The following MBOAT1 variants were observed in gnomAD, a reference collection of about 807,000 sequenced individuals.
MBOAT1 encodes membrane-bound glycerophospholipid O-acyltransferase 1.
MBOAT1 carries 67 observed loss-of-function variants against 64.4 expected under a neutral mutation model. The observed-to-expected ratio is 1.04, with a 90% CI of 0.85 to 1.27. MBOAT1 has a LOEUF of 1.27. Ranked by LOEUF, MBOAT1 falls within the 50% of genes most tolerant of loss-of-function variation. The pLI, the probability that MBOAT1 is intolerant of heterozygous loss-of-function variation, is 0.00. For synonymous variants in MBOAT1, 229 were observed against 218.9 expected, an observed-to-expected ratio of 1.05 and a Z score of -0.41; for missense variants, 563 against 604.6, an observed-to-expected ratio of 0.93 and a Z score of 0.72.
rs765668536 is a variant in MBOAT1 at position 20,128,747 on chromosome 6, C to A, written c.482G>T (p.Gly161Val). ...AGCAGAAAGGTCTTCAGCTCTTCGA[C>A]CTAATCCTATGAAAAAGAAAAGAAT... ...TLAFQVHDGL[G>V]RRAEDLSAEQ... Residue 161 changes from glycine to valine, a missense_variant, in exon 6 of 13, where the codon GGT becomes GTT. By Grantham distance (109) the Gly-to-Val change is moderately radical. Coordinates refer to ENST00000324607, the MANE Select transcript of MBOAT1 (RefSeq NM_001080480.3). The A allele has an allele frequency of 3.7e-6, 6 of 1,600,538 alleles. No homozygotes were observed. The highest frequency in any genetic ancestry group is 5.1e-6 in the Non-Finnish European group (6 of 1,175,342).
At chr6:20,106,797 A>G (rs769772749) in intron 12 of MBOAT1, among the ~76,000 whole-genome samples, 5 of 152,170 alleles carry the variant, frequency 3.3e-5, no homozygotes, top group Non-Finnish European at 7.3e-5. Context: ...AAACCAGAAA[A>G]TATCCTAGGT....
At chr6:20,175,457 A>T (rs186607400) in intron 1 of MBOAT1, among the ~76,000 whole-genome samples, 244 of 150,854 alleles carry the variant, frequency 1.6e-3, no homozygotes, top group East Asian at 4.7e-3. Flanking sequence ...TTATTTATTT[A>T]TTTTTTTGAA....
chr6:20,187,684 T>TA (rs1762693429), intron 1 of MBOAT1, among the ~76,000 whole-genome samples: 1 of 152,136 alleles, frequency 6.6e-6, no homozygotes, highest in Non-Finnish European at 1.5e-5. Flanking sequence ...AAAAAAAGAA[T>TA]AATGCCTATG....
chr6:20,108,469 T>C (rs148739517), intron 12 of MBOAT1, among the ~76,000 whole-genome samples: 48 of 152,330 alleles, frequency 3.2e-4, no homozygotes, highest in Non-Finnish European at 5.7e-4. Flanking sequence ...ATGGACTTCA[T>C]TGATGAGTGT....
chr6:20,146,356 T>C (rs1285377592), intron 3 of MBOAT1, among the ~76,000 whole-genome samples: 1 of 152,236 alleles, frequency 6.6e-6, no homozygotes, highest in African/African-American at 2.4e-5. Context: ...TTCTGTAAAC[T>C]CTAAATCACT....
Position 20,195,327 on chromosome 6 carries a change from G to A in MBOAT1, c.99+16809C>T, listed in dbSNP as rs1762924535. 2.0e-5 allele frequency among the ~76,000 whole-genome samples: 3 copies of A among 152,000 alleles called. No individual in the cohort carries two copies. The South Asian group carries it at 6.2e-4, about 32-fold the overall frequency. ...TGTTGCTCAGACTGTTCCAGCTTTG[G>A]CCACTGACAGCAGTTTCAGTTGGCT... is the stretch of plus-strand genomic sequence containing the variant. On this transcript the variant is annotated intron_variant, in intron 1 of 12. Transcript: ENST00000324607.
chr6:20,178,225 A>G (rs1036188825), intron 1 of MBOAT1, among the ~76,000 whole-genome samples: 1 of 152,154 alleles, frequency 6.6e-6, no homozygotes, highest in African/African-American at 2.4e-5. Context: ...CGTGTCTCCT[A>G]CTGTGGTTTT....
At chr6:20,198,081 AGCCAG>A (rs1213907993) in intron 1 of MBOAT1, among the ~76,000 whole-genome samples, 1 of 152,060 alleles carries the variant, frequency 6.6e-6, no homozygotes, top group Non-Finnish European at 1.5e-5. Context: ...CAAAAAAATT[AGCCAG>A]GCATGGTGGC....
chr6:20,153,219 G>A (rs987109428), intron 1 of MBOAT1, among the ~76,000 whole-genome samples: 2 of 152,180 alleles, frequency 1.3e-5, no homozygotes, highest in Admixed American at 1.3e-4. Flanking sequence ...GTTTGGAAGA[G>A]GAAATGAATG....
rs115327915 is a variant in MBOAT1, at chr6:20,119,494, A to C, written c.908-954T>G. 7.3e-3 allele frequency among the ~76,000 whole-genome samples: 1,113 copies of C among 152,354 alleles called. 17 individuals carry two copies. Among genetic ancestry groups the C allele is most frequent in the African/African-American group, 0.025 (1,056 of 41,572 alleles). ...ATCTTAGATCTGGAGATCTTAGAGA[A>C]ATCTTCCTTTTTCTATAAAAGTCCA... On this transcript the variant is annotated intron_variant, in intron 8 of 12. Coordinates refer to ENST00000324607, the MANE Select transcript of MBOAT1 (RefSeq NM_001080480.3).
At chr6:20,154,312 A>C (rs1761613476) in intron 1 of MBOAT1, among the ~76,000 whole-genome samples, 1 of 152,204 alleles carries the variant, frequency 6.6e-6, no homozygotes, top group Admixed American at 6.5e-5. Flanking sequence ...CGGGCAGGTC[A>C]CCTGAGGTCA....
At chr6:20,156,104 T>TAA (rs566267306) in intron 1 of MBOAT1, among the ~76,000 whole-genome samples, 80 of 151,252 alleles carry the variant, frequency 5.3e-4, no homozygotes, top group African/African-American at 1.9e-3. Context: ...CCGTCTCTAC[T>TAA]AAAAAAAATA....
At chr6:20,118,250 T>TA (rs11448219) in intron 9 of MBOAT1, among the ~76,000 whole-genome samples, 187 bp downstream of exon 9, 33,387 of 145,648 alleles carry the variant, frequency 0.23, 4,308 homozygotes, top group East Asian at 0.53. Context: ...GTAGATATCT[T>TA]AAAAAAAAAA....
Position 20,099,718 on chromosome 6 carries a change from A to C in MBOAT1, c.*2568T>G, listed in dbSNP as rs959998700. On this transcript the variant is annotated 3_prime_UTR_variant, in exon 13 of 13. Coordinates refer to ENST00000324607, the MANE Select transcript of MBOAT1 (RefSeq NM_001080480.3). ...TGGCTTTTTCAAAAACAAAACCAGA[A>C]AGTGTATTTATTTTCAACTGAAAGC... Among the ~76,000 whole-genome samples, 2 of 152,226 alleles carry C rather than the reference A, an allele frequency of 1.3e-5. No homozygotes were observed. The highest frequency in any genetic ancestry group is 4.8e-5 in the African/African-American group (2 of 41,464).
At chr6:20,186,957 T>C (rs1202418666) in intron 1 of MBOAT1, among the ~76,000 whole-genome samples, 5 of 152,250 alleles carry the variant, frequency 3.3e-5, no homozygotes, top group Non-Finnish European at 7.3e-5. Flanking sequence ...GAAACAAATT[T>C]ACCAAGTTAG....
intron 11 of MBOAT1, among the ~76,000 whole-genome samples, chr6:20,109,953 A>G (rs922761854): frequency 8.5e-6 from 1 of 118,276 alleles, no homozygotes; most frequent in Non-Finnish European, 1.6e-5. Flanking sequence ...TCTGTCGCCC[A>G]GGCTGGAGTG....
intron 1 of MBOAT1, among the ~76,000 whole-genome samples, chr6:20,168,918 G>A (rs1473411529): frequency 7.9e-6 from 1 of 126,624 alleles, no homozygotes; most frequent in East Asian, 2.0e-4. Context: ...TTCCCAATGG[G>A]TAAAATAAAG....
rs575074504 is a variant in MBOAT1 at position 20,120,161 on chromosome 6, C to T, written c.908-1621G>A. 9.2e-5 allele frequency among the ~76,000 whole-genome samples: 14 copies of T among 152,082 alleles called. No homozygotes were observed. In the South Asian group the frequency reaches 2.5e-3, roughly 27 times the overall value. On this transcript the variant is annotated intron_variant, in intron 8 of 12. Transcript: ENST00000324607. ...AACTGGACAGGTTTCTACCTCCACTCGGCAGCATACTACATACACGGGCCT... is the reference window on the plus strand; with the variant it reads ...AACTGGACAGGTTTCTACCTCCACTTGGCAGCATACTACATACACGGGCCT...
At chr6:20,145,757 A>C (rs957124281) in intron 3 of MBOAT1, among the ~76,000 whole-genome samples, 7 of 152,200 alleles carry the variant, frequency 4.6e-5, no homozygotes, top group African/African-American at 1.7e-4. Context: ...GTCTTTCTGC[A>C]TGCTCCTTCT....
Sources: allele counts gnomAD v4.1 joint callset (sites outside exome capture counted in the v4.1 genomes callset), GRCh38; gene constraint gnomAD v4.1.1; transcripts MANE v1.5; gene names NCBI Gene and HGNC (gene_info 2026-07-23, HGNC 2026-07-21).